Variants in PDZRN4 observed in about 807,000 individuals in gnomAD.
PDZRN4 encodes PDZ domain containing ring finger 4, also known as PDZ domain-containing RING finger protein 4.
In PDZRN4, 70 loss-of-function variants were observed where a neutral mutation model predicts 99.0. The ratio of observed to expected loss-of-function variants is 0.71; its 90% CI spans 0.58 to 0.86. The LOEUF (loss-of-function observed/expected upper bound fraction) is 0.86. Ranked by LOEUF, PDZRN4 falls within the 40% of genes least tolerant of loss-of-function variation. The pLI is 0.00. For missense variants in PDZRN4, 1,474 were observed against 1,331.2 expected (o/e 1.11, Z -1.67); for synonymous variants, 551 against 501.6 (o/e 1.10, Z -1.32).
intron 3 of PDZRN4, chr12:41,412,076 T>C (rs1952404163): frequency 6.6e-6 from 1 of 152,212 alleles, no homozygotes; most frequent in Admixed American, 6.5e-5. Context: ...TCAATTAATA[T>C]TTTTAGAGTA....
intron 3 of PDZRN4, among the ~76,000 whole-genome samples, chr12:41,364,863 G>A (rs1466834132): frequency 6.6e-6 from 1 of 152,098 alleles, no homozygotes; most frequent in Non-Finnish European, 1.5e-5. Context: ...TTGTACACAT[G>A]CATTTCAAGT....
intron 3 of PDZRN4, among the ~76,000 whole-genome samples, chr12:41,470,881 C>A (rs145218116): frequency 1.3e-5 from 2 of 152,312 alleles, no homozygotes; most frequent in African/African-American, 2.4e-5. Flanking sequence ...CAGCCCCACA[C>A]CAGCACAGCA....
intron 3 of PDZRN4, among the ~76,000 whole-genome samples, chr12:41,303,828 G>A (rs908931902): frequency 6.6e-6 from 1 of 152,118 alleles, no homozygotes; most frequent in Non-Finnish European, 1.5e-5. Context: ...TACATTAGGG[G>A]GCAGATTCTT....
intron 3 of PDZRN4, among the ~76,000 whole-genome samples, chr12:41,485,029 C>T (rs546227337): frequency 3.9e-5 from 6 of 152,254 alleles, no homozygotes; most frequent in Admixed American, 2.6e-4. Context: ...CCAACCTCAG[C>T]CTCCTCAGGG....
At chr12:41,199,417 A>C (rs905226883) in intron 3 of PDZRN4, among the ~76,000 whole-genome samples, 17 of 152,184 alleles carry the variant, frequency 1.1e-4, no homozygotes, top group Non-Finnish European at 1.5e-4. Flanking sequence ...TTGGAATGGA[A>C]ATTCGTGTAA....
chr12:41,329,811 T>C (rs1050369109), intron 3 of PDZRN4, among the ~76,000 whole-genome samples: 32 of 152,192 alleles, frequency 2.1e-4, no homozygotes, highest in African/African-American at 7.2e-4. Context: ...AAAATCATCA[T>C]GCAAAGAAAG....
chr12:41,527,959 G>A (rs1268499860), intron 5 of PDZRN4, among the ~76,000 whole-genome samples: 1 of 152,208 alleles, frequency 6.6e-6, no homozygotes, highest in African/African-American at 2.4e-5. Flanking sequence ...AGTGCAGGAG[G>A]AGGATAAAGA....
intron 3 of PDZRN4, among the ~76,000 whole-genome samples, chr12:41,322,178 C>T (rs546119754): frequency 5.3e-5 from 8 of 152,100 alleles, no homozygotes; most frequent in African/African-American, 1.9e-4. Flanking sequence ...ACTACAGGAA[C>T]GTGCCACCAC....
chr12:41,230,989 G>T (rs1454937188), intron 3 of PDZRN4, among the ~76,000 whole-genome samples: 3 of 152,108 alleles, frequency 2.0e-5, no homozygotes, highest in East Asian at 3.9e-4. Flanking sequence ...TTAATTTAAA[G>T]TAATTCCCAT....
intron 3 of PDZRN4, among the ~76,000 whole-genome samples, chr12:41,269,483 C>T (rs1951299505): frequency 6.6e-6 from 1 of 152,038 alleles, no homozygotes; most frequent in Admixed American, 6.6e-5. Flanking sequence ...TGATGCATTC[C>T]CAATTACAAG....
chr12:41,440,411 T>C lies in PDZRN4; in HGVS notation c.844-66045T>C, dbSNP rs139661143. On this transcript the variant is annotated intron_variant, in intron 3 of 9. Transcript: ENST00000402685. ...ATATTGAACTTTTCCACGTTTTCTTTCTAGATTTAGTGACCTGATAATACA... is the reference window on the plus strand; with the variant it reads ...ATATTGAACTTTTCCACGTTTTCTTCCTAGATTTAGTGACCTGATAATACA... Among the ~76,000 whole-genome samples, 463 of 152,282 alleles carry C rather than the reference T, an allele frequency of 3.0e-3. 4 individuals are homozygous for C. The highest frequency in any genetic ancestry group is 3.3e-3 in the Non-Finnish European group (227 of 68,014).
intron 3 of PDZRN4, among the ~76,000 whole-genome samples, chr12:41,256,108 T>C (rs1951203103): frequency 6.6e-6 from 1 of 152,182 alleles, no homozygotes; most frequent in African/African-American, 2.4e-5. Flanking sequence ...AATTTTTTAA[T>C]GCATTGACAG....
At chr12:41,282,440 A>G (rs1950478079) in intron 3 of PDZRN4, among the ~76,000 whole-genome samples, 1 of 152,188 alleles carries the variant, frequency 6.6e-6, no homozygotes, top group African/African-American at 2.4e-5. Flanking sequence ...TTAACACCCC[A>G]CTGTCAATAT....
At chr12:41,357,226 T>C (rs944638531) in intron 3 of PDZRN4, among the ~76,000 whole-genome samples, 1 of 151,644 alleles carries the variant, frequency 6.6e-6, no homozygotes, top group African/African-American at 2.4e-5. Flanking sequence ...CACACATGCC[T>C]ACATGAAGGC....
chr12:41,409,442 G>A (rs1952376226), intron 3 of PDZRN4: 1 of 152,116 alleles, frequency 6.6e-6, no homozygotes, highest in African/African-American at 2.4e-5. Flanking sequence ...TGTTACAGGA[G>A]CATTGAGGAG....
chr12:41,316,656 A>G (rs1243330398), intron 3 of PDZRN4, among the ~76,000 whole-genome samples: 1 of 152,076 alleles, frequency 6.6e-6, no homozygotes, highest in Non-Finnish European at 1.5e-5. Context: ...CCATGTTTGT[A>G]TGGCTTATAA....
intron 3 of PDZRN4, among the ~76,000 whole-genome samples, chr12:41,434,349 T>C (rs1952610786): frequency 6.6e-6 from 1 of 152,172 alleles, no homozygotes; most frequent in Non-Finnish European, 1.5e-5. Flanking sequence ...GTAATTTTTC[T>C]GTCTCAGGTG....
intron 3 of PDZRN4, among the ~76,000 whole-genome samples, chr12:41,338,168 G>A (rs887916026): frequency 1.3e-5 from 2 of 151,970 alleles, no homozygotes; most frequent in Non-Finnish European, 1.5e-5. Context: ...CTAAGTATGC[G>A]ACTATAGTAT....
chr12:41,445,612 C>T (rs2730819), intron 3 of PDZRN4, among the ~76,000 whole-genome samples: 77,274 of 151,684 alleles, frequency 0.51, 20,158 homozygotes, highest in African/African-American at 0.64. Context: ...ACTAGGTAGT[C>T]ACTCAAAAGA....
Sources: allele counts gnomAD v4.1 joint callset (sites outside exome capture counted in the v4.1 genomes callset), GRCh38; gene constraint gnomAD v4.1.1; transcripts MANE v1.5; gene names NCBI Gene and HGNC (gene_info 2026-07-23, HGNC 2026-07-21).